Variants in EXTL1 observed in about 807,000 individuals in gnomAD.
EXTL1 encodes exostosin like glycosyltransferase 1.
EXTL1 carries 43 observed loss-of-function variants against 64.6 expected under a neutral mutation model. That is an observed-to-expected ratio of 0.67 (90% CI 0.52 to 0.86). The LOEUF (loss-of-function observed/expected upper bound fraction) is 0.86. Among genes scored for constraint, EXTL1 ranks in the 40% least tolerant of loss-of-function variants. The pLI is 0.00. For synonymous variants in EXTL1, 352 were observed against 360.5 expected (o/e 0.98, Z 0.27); for missense variants, 766 against 879.0 (o/e 0.87, Z 1.62).
At position 26,033,877 on chromosome 1, in the gene EXTL1, C is replaced by G; in HGVS notation, c.1679+21C>G. ...CATAGGTACAGACCCCTACCCTGCA[C>G]AGGGATCAGAGTATCAGAGGACCAG... On this transcript the variant is annotated intron_variant, in intron 9 of 10. Transcript: ENST00000374280. This position sits in a 1 kb window ranked among gnomAD's most constrained non-coding sequence, Gnocchi z 5.1. 1 of 1,602,304 alleles carries G rather than the reference C, an allele frequency of 6.2e-7. No homozygotes were observed. Among genetic ancestry groups the G allele is most frequent in the Non-Finnish European group, 8.5e-7 (1 of 1,173,136 alleles).
chr1:26,028,270 C>T (rs1216015488), intron 1 of EXTL1, among the ~76,000 whole-genome samples: 1 of 152,224 alleles, frequency 6.6e-6, no homozygotes, highest in African/African-American at 2.4e-5. Context: ...ATCTGTGACC[C>T]TGAGCCAGTC....
chr1:26,035,696 T>G lies in EXTL1; in HGVS notation c.*349T>G. The G allele has an allele frequency of 4.2e-6, 1 of 238,584 alleles. No individual in the cohort carries two copies. The highest frequency in any genetic ancestry group is 8.1e-6 in the Non-Finnish European group (1 of 123,136). The allele number at this position is 238,584 out of a possible 1,614,324, so 14.8% of individuals were successfully genotyped here. A position where few individuals can be genotyped will look rare whatever the true frequency, so the allele number is the denominator to read the frequency against. On this transcript the variant is annotated 3_prime_UTR_variant, in exon 11 of 11. Coordinates refer to ENST00000374280, the MANE Select transcript of EXTL1 (RefSeq NM_004455.3). The surrounding 1 kb of genome is among the most constrained non-coding windows in gnomAD (Gnocchi z 5.3). ...CAATGGGTTCGGTCTCCTTTGCGCTTTCGCAGTCCAGTGTTTGCCGCGGTT... is the reference window on the plus strand; with the variant it reads ...CAATGGGTTCGGTCTCCTTTGCGCTGTCGCAGTCCAGTGTTTGCCGCGGTT...
chr1:26,033,811 C>T lies in EXTL1; in HGVS notation c.1634C>T (p.Thr545Ile). The stretch of plus-strand genomic sequence containing the variant: ...GGCTGGGGCTACACTGCTGAGAGGA[C>T]CAACGAATTCTCCATGGTTCTCACC... ...HGGWGYTAERTNEFSMVLTTA... is the reference protein window; with the variant it reads ...HGGWGYTAERINEFSMVLTTA... The change falls in exon 9 of 11, where the codon ACC becomes ATC. Residue 545 changes from threonine (T) to isoleucine (I), a missense_variant. Transcript: ENST00000374280. The surrounding 1 kb of genome is among the most constrained non-coding windows in gnomAD (Gnocchi z 5.1). 1.9e-6 allele frequency: 3 copies of T among 1,614,056 alleles called. No homozygotes were observed. Among genetic ancestry groups the T allele is most frequent in the Non-Finnish European group, 1.7e-6 (2 of 1,179,960 alleles).
At chr1:26,029,158 C>T in intron 1 of EXTL1, 35 bp from the exon 2 acceptor site, 4 of 1,531,508 alleles carry the variant, frequency 2.6e-6, no homozygotes, top group African/African-American at 1.4e-5. Flanking sequence ...TGTCCAGGCT[C>T]ATGTGTGGTG....
chr1:26,031,585 T>G lies in EXTL1; in HGVS notation c.1341+19T>G. On this transcript the variant is annotated intron_variant, in intron 6 of 10. Coordinates refer to ENST00000374280, the MANE Select transcript of EXTL1 (RefSeq NM_004455.3). ...TGCCCAGGTCTGCCCCCTTCCCAGCTGGAGTCCTGGGATCCAGGGTGGGGG... is the reference window on the plus strand; with the variant it reads ...TGCCCAGGTCTGCCCCCTTCCCAGCGGGAGTCCTGGGATCCAGGGTGGGGG... 2 of 1,459,506 alleles carry G rather than the reference T, an allele frequency of 1.4e-6. No individual in the cohort carries two copies. Among genetic ancestry groups the G allele is most frequent in the Non-Finnish European group, 1.9e-6 (2 of 1,072,988 alleles). 90.4% of individuals were successfully genotyped at this position (1,459,506 alleles called of 1,614,324 possible).
At chr1:26,028,146 A>G (rs1343692914) in intron 1 of EXTL1, among the ~76,000 whole-genome samples, 1 of 152,162 alleles carries the variant, frequency 6.6e-6, no homozygotes, top group African/African-American at 2.4e-5. Context: ...AGGGAGGACA[A>G]AGAAGGCTGG....
chr1:26,029,066 G>A, intron 1 of EXTL1, 127 bp from the exon 2 acceptor site: 1 of 634,380 alleles, frequency 1.6e-6, no homozygotes, highest in Admixed American at 2.7e-5. Context: ...TGCATGAGTG[G>A]GTTTACACAT....
In EXTL1 at chr1:26,035,251, G is replaced by A. The variant is rs906835077; in HGVS notation, c.1935G>A (p.Met645Ile). ...AGATAGCGGCAGCGTTCGGCCACATGCCCTTGCTGTCCTCTCGTCTGCGTC... is the reference window on the plus strand; with the variant it reads ...AGATAGCGGCAGCGTTCGGCCACATACCCTTGCTGTCCTCTCGTCTGCGTC... ...INQIAAAFGH[M>I]PLLSSRLRLD... The change falls in exon 11 of 11, where the codon ATG becomes ATA. Residue 645 changes from methionine to isoleucine, a missense_variant. This residue lies in a region of EXTL1 where 194 missense variants were observed against 214.5 expected (regional missense o/e 0.90). Transcript: ENST00000374280. This position sits in a 1 kb window ranked among gnomAD's most constrained non-coding sequence, Gnocchi z 5.3. 1.2e-6 allele frequency: 2 copies of A among 1,613,654 alleles called. No homozygotes were observed. The highest frequency in any genetic ancestry group is 8.5e-7 in the Non-Finnish European group (1 of 1,179,934).
Position 26,029,302 on chromosome 1 carries a change from G to C in EXTL1, c.873+16G>C, listed in dbSNP as rs753681273. 3 of 1,601,514 alleles carry C rather than the reference G, an allele frequency of 1.9e-6. No homozygotes were observed. Among genetic ancestry groups the C allele is most frequent in the South Asian group, 1.1e-5 (1 of 90,802 alleles). ...AGCCCTGCAGGTACAACCCCAATTTGAGCATCACCCATCCTCTGTCCCCCA... is the reference window on the plus strand; with the variant it reads ...AGCCCTGCAGGTACAACCCCAATTTCAGCATCACCCATCCTCTGTCCCCCA... On this transcript the variant is annotated intron_variant, in intron 2 of 10. Transcript: ENST00000374280.
In EXTL1 at chr1:26,034,199, G is replaced by A. The variant is rs2050315731; in HGVS notation, c.1679+343G>A. On this transcript the variant is annotated intron_variant, in intron 9 of 10. Transcript: ENST00000374280. The surrounding 1 kb of genome is among the most constrained non-coding windows in gnomAD (Gnocchi z 4.6). ...CTGGTGGTGGGGTGACAAGAAAATAGTCCTGATGCTTTATGAATGTGGATG... is the reference window on the plus strand; with the variant it reads ...CTGGTGGTGGGGTGACAAGAAAATAATCCTGATGCTTTATGAATGTGGATG... 6.6e-6 allele frequency among the ~76,000 whole-genome samples: 1 copy of A among 152,208 alleles called. No individual in the cohort carries two copies. Among genetic ancestry groups the A allele is most frequent in the African/African-American group, 2.4e-5 (1 of 41,456 alleles).
Position 26,034,913 on chromosome 1 carries a change from A to T in EXTL1, c.1757A>T (p.Asp586Val). The T allele has an allele frequency of 6.2e-7, 1 of 1,614,188 alleles. No homozygotes were observed. The highest frequency in any genetic ancestry group is 8.5e-7 in the Non-Finnish European group (1 of 1,180,026). ...TLADEAPTCV[D>V]VLMNFIVAAV... ...GCAGATGAGGCACCCACCTGTGTGG[A>T]CGTCCTGATGAATTTCATAGTAGCA... Residue 586 changes from aspartate to valine, a missense_variant, in exon 10 of 11, where the codon GAC (aspartate) becomes GTC (valine). Asp to Val is a radical substitution (Grantham distance 152, BLOSUM62 -3). This residue lies in a region of EXTL1 where 194 missense variants were observed against 214.5 expected (regional missense o/e 0.90). Coordinates refer to ENST00000374280, the MANE Select transcript of EXTL1 (RefSeq NM_004455.3). The surrounding 1 kb of genome is among the most constrained non-coding windows in gnomAD (Gnocchi z 4.6).
intron 2 of EXTL1, 75 bp downstream of exon 2, chr1:26,029,361 G>C: frequency 8.0e-7 from 1 of 1,250,986 alleles, no homozygotes; most frequent in Non-Finnish European, 1.2e-6. Flanking sequence ...TCTGGGTCCA[G>C]GCCAATGAGA....
chr1:26,024,316 G>A (rs1460670986), intron 1 of EXTL1, among the ~76,000 whole-genome samples: 13 of 152,120 alleles, frequency 8.5e-5, no homozygotes, highest in African/African-American at 1.2e-4. Flanking sequence ...CCAGGGCCCC[G>A]GTGGCAGAGG....
intron 1 of EXTL1, among the ~76,000 whole-genome samples, chr1:26,024,847 G>A (rs2050197731): frequency 6.6e-6 from 1 of 152,190 alleles, no homozygotes. Context: ...GCTAAGCACA[G>A]TTCATTATTG....
chr1:26,035,567 G>A lies in EXTL1; in HGVS notation c.*220G>A, dbSNP rs1028370756. ...AGCCTCTGCGGAGGCTGAGCCCCGC[G>A]ACCGGAGCGCCGCTCTCCGCTTCTC... On this transcript the variant is annotated 3_prime_UTR_variant, in exon 11 of 11. Transcript: ENST00000374280. This position sits in a 1 kb window ranked among gnomAD's most constrained non-coding sequence, Gnocchi z 5.3. 4.4e-6 allele frequency: 2 copies of A among 454,688 alleles called. No homozygotes were observed. Among genetic ancestry groups the A allele is most frequent in the Non-Finnish European group, 7.8e-6 (2 of 256,126 alleles). 28.2% of individuals were successfully genotyped at this position (454,688 alleles called of 1,614,324 possible).
chr1:26,023,714 T>C (rs568391477), intron 1 of EXTL1, among the ~76,000 whole-genome samples: 1 of 152,356 alleles, frequency 6.6e-6, no homozygotes, highest in Admixed American at 6.5e-5. Flanking sequence ...AATATTTTTT[T>C]TCCCCACATA....
Position 26,033,154 on chromosome 1 carries a change from G to A in EXTL1, c.1432-75G>A, listed in dbSNP as rs1334540856. 1.0e-5 allele frequency: 11 copies of A among 1,073,102 alleles called. No individual in the cohort carries two copies. In the Admixed American group the frequency reaches 1.4e-4, roughly 13 times the overall value. 66.5% of individuals were successfully genotyped at this position (1,073,102 alleles called of 1,614,324 possible). A position where few individuals can be genotyped will look rare whatever the true frequency, so the allele number is the denominator to read the frequency against. The stretch of plus-strand genomic sequence containing the variant: ...TGGCTCAGGCGTCTACACTGTGCCT[G>A]AATGGCTCCTACTTATTGGATGGGG... On this transcript the variant is annotated intron_variant, in intron 7 of 10. Coordinates refer to ENST00000374280, the MANE Select transcript of EXTL1 (RefSeq NM_004455.3). The surrounding 1 kb of genome is among the most constrained non-coding windows in gnomAD (Gnocchi z 5.1).
Position 26,022,616 on chromosome 1 carries a change from A to G in EXTL1, c.-31A>G. The G allele has an allele frequency of 6.6e-7, 1 of 1,512,420 alleles. No individual in the cohort carries two copies. The highest frequency in any genetic ancestry group is 8.9e-7 in the Non-Finnish European group (1 of 1,121,096). 93.7% of individuals were successfully genotyped at this position (1,512,420 alleles called of 1,614,324 possible). ...TCCTGCTTGCTGGCAGAGGCCTCCC[A>G]GCTTCCCTAGCCCTGACTGTGGGTG... On this transcript the variant is annotated 5_prime_UTR_variant, in exon 1 of 11. Coordinates refer to ENST00000374280, the MANE Select transcript of EXTL1 (RefSeq NM_004455.3).
intron 3 of EXTL1, 22 bp from the exon 4 acceptor site, chr1:26,030,454 C>T: frequency 6.2e-7 from 1 of 1,600,998 alleles, no homozygotes. Flanking sequence ...TTACCTGGCA[C>T]TTTTCTCCCT....
Sources: gnomAD v4.1 joint callset for allele counts (sites outside exome capture counted in the v4.1 genomes callset) on GRCh38, gnomAD v4.1.1 for gene constraint, gnomAD v4.1.1 regional missense constraint, Gnocchi (gnomAD v3.1) non-coding constraint, MANE v1.5 for transcripts, NCBI Gene and HGNC (gene_info 2026-07-23, HGNC 2026-07-21) for gene names.